The following UFD1 variants were observed in gnomAD, a reference collection of about 807,000 sequenced individuals.
The protein encoded by UFD1 is ubiquitin recognition factor in ER-associated degradation protein 1.
Under a neutral mutation model 45.9 loss-of-function variants are expected in UFD1, and 13 were observed. The observed-to-expected ratio is 0.28, with a 90% CI of 0.18 to 0.45. UFD1 has a LOEUF of 0.45. Among genes scored for constraint, UFD1 ranks in the 20% least tolerant of loss-of-function variants. UFD1 has a pLI of 1.00. For synonymous variants in UFD1, 128 were observed against 139.2 expected (o/e 0.92, Z 0.56); for missense variants, 218 against 389.2 (o/e 0.56, Z 3.70).
Position 19,470,840 on chromosome 22 carries a change from G to C in UFD1, c.291+847C>G, listed in dbSNP as rs1218746776. 1.1e-5 allele frequency: 5 copies of C among 461,756 alleles called. No individual in the cohort carries two copies. In the Admixed American group the frequency reaches 1.1e-4, roughly 11 times the overall value. 28.6% of individuals were successfully genotyped at this position (461,756 alleles called of 1,614,324 possible). A position where few individuals can be genotyped will look rare whatever the true frequency, so the allele number is the denominator to read the frequency against. On this transcript the variant is annotated intron_variant, in intron 4 of 11. Transcript: ENST00000263202. ...TGATAGGGCATCAGCAGGAGAGGTG[G>C]GCTGTGCTTCAGACCACCTCCCTGG...
intron 6 of UFD1, among the ~76,000 whole-genome samples, chr22:19,462,308 C>CT (rs1254504475): frequency 1.3e-5 from 2 of 152,054 alleles, no homozygotes; most frequent in East Asian, 1.9e-4. Context: ...CTTCAGCTAT[C>CT]TTTTTTATTA....
intron 4 of UFD1, among the ~76,000 whole-genome samples, chr22:19,470,292 G>A (rs1263892128): frequency 6.6e-6 from 1 of 152,208 alleles, no homozygotes; most frequent in Non-Finnish European, 1.5e-5. Flanking sequence ...CAATGGGAGT[G>A]CAGGGCTCTT....
chr22:19,456,587 G>A lies in UFD1; in HGVS notation c.678C>T (p.Arg226=), dbSNP rs757573890. The change falls in exon 9 of 12, where the codon CGC becomes CGT. Residue 226 remains arginine, a splice_region_variant and synonymous_variant. Transcript: ENST00000263202. ...ATAAGTCAAGTGGTCTGGTACTCAC[G>A]CGGAAGCCCAGCTCTCCAGCATAGC... ...HSGYAGELGF[R]AFSGSGNRLD... 9.0e-5 allele frequency: 146 copies of A among 1,614,002 alleles called. No individual in the cohort carries two copies. Among genetic ancestry groups the A allele is most frequent in the Middle Eastern group, 1.6e-4 (1 of 6,084 alleles).
At chr22:19,462,623 T>C (rs2089775749) in intron 6 of UFD1, among the ~76,000 whole-genome samples, 1 of 151,828 alleles carries the variant, frequency 6.6e-6, no homozygotes, top group South Asian at 2.1e-4. Context: ...TGAGCCAAGA[T>C]CGCGCCACTG....
At position 19,474,911 on chromosome 22, in the gene UFD1, C is replaced by T. The variant is rs117605908; in HGVS notation, c.169+157G>A. Among the ~76,000 whole-genome samples the T allele has an allele frequency of 5.7e-3, 867 of 152,208 alleles. 2 individuals carry two copies. Among genetic ancestry groups the T allele is most frequent in the Admixed American group, 8.6e-3 (132 of 15,296 alleles). ...TGGCCTCGCCCTAGGTACCTGTGAC[C>T]CAGGTTCTCCCAGCCCAGCGCATGC... On this transcript the variant is annotated intron_variant, in intron 3 of 11. Coordinates refer to ENST00000263202, the MANE Select transcript of UFD1 (RefSeq NM_005659.7).
chr22:19,465,773 A>G (rs1189002937), intron 5 of UFD1: 2 of 152,750 alleles, frequency 1.3e-5, no homozygotes, highest in Non-Finnish European at 2.9e-5. Context: ...AAAGAACAAA[A>G]AAGATTTAAT....
intron 11 of UFD1, chr22:19,454,243 A>G (rs2089705130): frequency 1.0e-6 from 1 of 994,338 alleles, no homozygotes; most frequent in Admixed American, 5.7e-5. Flanking sequence ...AGAAAAAAAC[A>G]GGACACCAGG....
intron 11 of UFD1, chr22:19,454,254 G>A: frequency 2.0e-6 from 2 of 997,030 alleles, no homozygotes; most frequent in Non-Finnish European, 2.4e-6. Context: ...GGACACCAGG[G>A]AGCAGAGGGA....
intron 11 of UFD1, chr22:19,453,502 G>A (rs2089698846): frequency 1.0e-6 from 1 of 985,336 alleles, no homozygotes; most frequent in Admixed American, 6.1e-5. Flanking sequence ...GTCACAGTCA[G>A]CCTGGGGGAC....
Position 19,479,188 on chromosome 22 carries a change from C to T in UFD1, c.-103G>A, listed in dbSNP as rs2089928483. The T allele has an allele frequency of 6.3e-7, 1 of 1,575,186 alleles. No homozygotes were observed. The highest frequency in any genetic ancestry group is 1.2e-5 in the South Asian group (1 of 86,650). ...CGCTGCCGCTGCCGCCGCGCCAAGCCGGTACGCCCCAGAGGCTCACCGGAA... is the reference window on the plus strand; with the variant it reads ...CGCTGCCGCTGCCGCCGCGCCAAGCTGGTACGCCCCAGAGGCTCACCGGAA... On this transcript the variant is annotated 5_prime_UTR_variant, in exon 1 of 12. Coordinates refer to ENST00000263202, the MANE Select transcript of UFD1 (RefSeq NM_005659.7).
intron 4 of UFD1, among the ~76,000 whole-genome samples, chr22:19,469,207 C>T (rs544888472): frequency 6.6e-6 from 1 of 152,318 alleles, no homozygotes; most frequent in Admixed American, 6.5e-5. Flanking sequence ...GATGTTCTAA[C>T]AGGAAGTATT....
intron 11 of UFD1, chr22:19,453,720 G>A: frequency 1.0e-6 from 1 of 985,484 alleles, no homozygotes; most frequent in Non-Finnish European, 1.2e-6. Context: ...GTTGTGAGTA[G>A]GACCAGGTGT....
chr22:19,478,947 G>C (rs1432651702), intron 1 of UFD1, 136 bp downstream of exon 1: 2 of 1,238,858 alleles, frequency 1.6e-6, no homozygotes, highest in Non-Finnish European at 2.2e-6. Context: ...CGGTGCGGCC[G>C]ATGAGCCTGC....
At chr22:19,454,914 G>A in intron 10 of UFD1, 84 bp from the exon 11 acceptor site, 3 of 1,462,090 alleles carry the variant, frequency 2.1e-6, no homozygotes, top group Non-Finnish European at 2.7e-6. Context: ...GAGGAACGCA[G>A]AAAAGATGCT....
intron 5 of UFD1, chr22:19,466,194 T>A (rs1387455410): frequency 6.6e-6 from 1 of 152,222 alleles, no homozygotes; most frequent in Non-Finnish European, 1.5e-5. Flanking sequence ...AAATATGAAG[T>A]GCCACGGTAC....
At chr22:19,468,576 A>G (rs2089820962) in intron 4 of UFD1, among the ~76,000 whole-genome samples, 1 of 152,170 alleles carries the variant, frequency 6.6e-6, no homozygotes, top group Non-Finnish European at 1.5e-5. Flanking sequence ...GAGATAAACA[A>G]TGCCCATGAG....
intron 11 of UFD1, chr22:19,454,407 G>A: frequency 2.4e-6 from 2 of 831,874 alleles, no homozygotes; most frequent in Non-Finnish European, 3.0e-6. Context: ...AGTCATGAGG[G>A]CGGGTCTTTT....
intron 5 of UFD1, chr22:19,467,041 C>T (rs1332190155): frequency 6.6e-6 from 1 of 152,140 alleles, no homozygotes; most frequent in Non-Finnish European, 1.5e-5. Context: ...ATATACATGG[C>T]CCATATGCAT....
Position 19,465,527 on chromosome 22 carries a change from G to T in UFD1, c.423-253C>A, listed in dbSNP as rs957933503. The T allele has an allele frequency of 1.1e-5, 5 of 459,074 alleles. No homozygotes were observed. The East Asian group carries it at 1.6e-4, about 15-fold the overall frequency. 28.4% of individuals were successfully genotyped at this position (459,074 alleles called of 1,614,324 possible). ...GAAGGGGAAATAACCAACCACAAAA[G>T]GGCAGTGAGATTCCATCCACATGGA... On this transcript the variant is annotated intron_variant, in intron 5 of 11. Transcript: ENST00000263202.
Sources: allele counts gnomAD v4.1 joint callset (sites outside exome capture counted in the v4.1 genomes callset), GRCh38; gene constraint gnomAD v4.1.1; transcripts MANE v1.5; gene names NCBI Gene and HGNC (gene_info 2026-07-23, HGNC 2026-07-21).